Variants in ARID1B observed in about 807,000 individuals in gnomAD.
ARID1B encodes the protein AT-rich interactive domain-containing protein 1B.
In ARID1B, 30 loss-of-function variants were observed where a neutral mutation model predicts 212.3. That is an observed-to-expected ratio of 0.14 (90% CI 0.11 to 0.19). The LOEUF (loss-of-function observed/expected upper bound fraction) is 0.19. ARID1B is among the 10% of genes least tolerant of loss of function. The pLI, the probability that ARID1B is intolerant of heterozygous loss-of-function variation, is 1.00. For synonymous variants in ARID1B, 1,402 were observed against 1,301.7 expected (o/e 1.08, Z -1.66); for missense variants, 2,891 against 3,204.0 (o/e 0.90, Z 2.36).
At chr6:157,159,777 C>T (rs898019641) in intron 8 of ARID1B, among the ~76,000 whole-genome samples, 1 of 152,136 alleles carries the variant, frequency 6.6e-6, no homozygotes, top group African/African-American at 2.4e-5. Flanking sequence ...GTGGGCAGTG[C>T]CACATTTTAA....
At chr6:156,902,904 T>A (rs1393636930) in intron 3 of ARID1B, among the ~76,000 whole-genome samples, 1 of 152,170 alleles carries the variant, frequency 6.6e-6, no homozygotes, top group Non-Finnish European at 1.5e-5. Flanking sequence ...ATCTGGAGTT[T>A]TGATAAAGTT....
intron 4 of ARID1B, among the ~76,000 whole-genome samples, chr6:156,978,239 C>T (rs1469049997): frequency 6.6e-6 from 1 of 152,232 alleles, no homozygotes; most frequent in East Asian, 1.9e-4. Flanking sequence ...CTGCTCCCAG[C>T]ACCTTGGCCT....
chr6:156,779,274 C>G lies in ARID1B; in HGVS notation c.1594C>G (p.Pro532Ala). Residue 532 changes from proline (P) to alanine (A), a missense_variant, in exon 1 of 20, where the codon CCG becomes GCG. This residue lies in a region of ARID1B where 1,643 missense variants were observed against 1,544.0 expected (regional missense o/e 1.06). Coordinates refer to ENST00000636930, the MANE Select transcript of ARID1B (RefSeq NM_001374828.1). ...CAGCAGCCCCAGCGCGCCGCCGCCGCCGCCGTCGCAGCCCCAGTCCCAGGC... is the reference window on the plus strand; with the variant it reads ...CAGCAGCCCCAGCGCGCCGCCGCCGGCGCCGTCGCAGCCCCAGTCCCAGGC... ...EYSSPSAPPPPPSQPQSQAAA... is the reference protein window; with the variant it reads ...EYSSPSAPPPAPSQPQSQAAA... 8.7e-7 allele frequency: 1 copy of G among 1,152,780 alleles called. No individual in the cohort carries two copies. The allele number at this position is 1,152,780 out of a possible 1,614,324, so 71.4% of individuals were successfully genotyped here. A position where few individuals can be genotyped will look rare whatever the true frequency, so the allele number is the denominator to read the frequency against.
chr6:156,922,544 G>T (rs964265487), intron 3 of ARID1B, among the ~76,000 whole-genome samples: 4 of 152,102 alleles, frequency 2.6e-5, no homozygotes, highest in Non-Finnish European at 5.9e-5. Context: ...GATACTAATG[G>T]CATATTTGCA....
At chr6:157,076,552 TA>T in intron 4 of ARID1B, among the ~76,000 whole-genome samples, 1 of 151,526 alleles carries the variant, frequency 6.6e-6, no homozygotes, top group East Asian at 1.9e-4. Context: ...CATGCCTTTT[TA>T]TTGTGTTATT....
At position 157,201,635 on chromosome 6, in the gene ARID1B, A is replaced by T; in HGVS notation, c.5263+147A>T. 2.0e-6 allele frequency: 2 copies of T among 1,006,754 alleles called. No individual in the cohort carries two copies. The highest frequency in any genetic ancestry group is 2.7e-6 in the Non-Finnish European group (2 of 731,858). The allele number at this position is 1,006,754 out of a possible 1,614,324, so 62.4% of individuals were successfully genotyped here. Reference sequence around the variant, plus strand: ...CAAGATGCGTTTTTATATAGGAGTAATATAGTTGGAGGCTGCTAATCTGAA... The same window carrying T: ...CAAGATGCGTTTTTATATAGGAGTATTATAGTTGGAGGCTGCTAATCTGAA... On this transcript the variant is annotated intron_variant, in intron 18 of 19. Coordinates refer to ENST00000636930, the MANE Select transcript of ARID1B (RefSeq NM_001374828.1). The surrounding 1 kb of genome is among the most constrained non-coding windows in gnomAD (Gnocchi z 5.2).
chr6:157,189,662 G>A lies in ARID1B; in HGVS notation c.3940G>A (p.Gly1314Ser). 1 of 1,611,422 alleles carries A rather than the reference G, an allele frequency of 6.2e-7. No homozygotes were observed. Among genetic ancestry groups the A allele is most frequent in the Non-Finnish European group, 8.5e-7 (1 of 1,179,576 alleles). Reference sequence around the variant, plus strand: ...ATCAGCTAACTCGGGATCCTTGCAAGGCCCACAGACCCCCCAGTCAACTGG... The same window carrying A: ...ATCAGCTAACTCGGGATCCTTGCAAAGCCCACAGACCCCCCAGTCAACTGG... The part of the protein sequence containing the change: ...PSPANSGSLQ[G>S]PQTPQSTGSN... Residue 1314 changes from glycine to serine, a missense_variant, in exon 14 of 20, where the codon GGC (glycine) becomes AGC (serine). By Grantham distance (56) the Gly-to-Ser change is moderately conservative. This residue lies in a region of ARID1B where 666 missense variants were observed against 873.5 expected (regional missense o/e 0.76). Transcript: ENST00000636930.
At position 156,858,652 on chromosome 6, in the gene ARID1B, C is replaced by T. The variant is rs193061240; in HGVS notation, c.1986+29231C>T. Among the ~76,000 whole-genome samples, 135 of 152,088 alleles carry T rather than the reference C, an allele frequency of 8.9e-4. 3 individuals are homozygous for T. The highest frequency in any genetic ancestry group is 3.2e-3 in the African/African-American group (131 of 41,476). On this transcript the variant is annotated intron_variant, in intron 2 of 19. Coordinates refer to ENST00000636930, the MANE Select transcript of ARID1B (RefSeq NM_001374828.1). The stretch of plus-strand genomic sequence containing the variant: ...GGTGTGGTGGCGTGTGCCTGTAGTT[C>T]CAGCTACTCAGGAGGCTGAGGCAGG...
rs150647603 is a variant in ARID1B at position 157,203,800 on chromosome 6, G to T, written c.5264-66G>T. On this transcript the variant is annotated intron_variant, in intron 18 of 19. Transcript: ENST00000636930. The surrounding 1 kb of genome is among the most constrained non-coding windows in gnomAD (Gnocchi z 4.4). The stretch of plus-strand genomic sequence containing the variant: ...TCCACTTATTTTTTCTTACTCTTTC[G>T]TTAACTTTCGTTCTTTCATGCATAG... The T allele has an allele frequency of 0.037, 58,440 of 1,573,962 alleles. 1,325 individuals are homozygous for T. The highest frequency in any genetic ancestry group is 0.043 in the Non-Finnish European group (49,779 of 1,149,422).
At chr6:157,174,193 G>A (rs1791928816) in intron 10 of ARID1B, 76 bp downstream of exon 10, 2 of 1,301,850 alleles carry the variant, frequency 1.5e-6, no homozygotes, top group Non-Finnish European at 2.2e-6. Context: ...CTTCACTGGT[G>A]TTGGCCGACA....
At chr6:156,903,644 C>G (rs1374865561) in intron 3 of ARID1B, among the ~76,000 whole-genome samples, 1 of 152,112 alleles carries the variant, frequency 6.6e-6, no homozygotes, top group Non-Finnish European at 1.5e-5. Flanking sequence ...CCTAAGTAAT[C>G]CCCCTAAATC....
At chr6:156,876,058 CT>C (rs142365247) in intron 2 of ARID1B, among the ~76,000 whole-genome samples, 9,201 of 152,142 alleles carry the variant, frequency 0.06, 916 homozygotes, top group African/African-American at 0.2. Flanking sequence ...ATACACTGTC[CT>C]TTTTGAAGTT....
At chr6:156,913,130 A>C (rs919117443) in intron 3 of ARID1B, among the ~76,000 whole-genome samples, 1 of 151,008 alleles carries the variant, frequency 6.6e-6, no homozygotes, top group Non-Finnish European at 1.5e-5. Flanking sequence ...GAGTGAGTAC[A>C]TCTAGCTAAT....
At chr6:157,202,263 G>T (rs1794162290) in intron 18 of ARID1B, among the ~76,000 whole-genome samples, 1 of 152,116 alleles carries the variant, frequency 6.6e-6, no homozygotes, top group African/African-American at 2.4e-5. Flanking sequence ...CAGGGTTTCT[G>T]CATTATTTTT....
chr6:157,086,277 A>G (rs1485101109), intron 5 of ARID1B, among the ~76,000 whole-genome samples: 1 of 152,214 alleles, frequency 6.6e-6, no homozygotes, highest in Non-Finnish European at 1.5e-5. Context: ...GTGCATTTTG[A>G]TTAAAGCATT....
chr6:156,897,218 G>GCTGCTTCTTCTTCTTCTTCTT (rs1554264583), intron 2 of ARID1B, among the ~76,000 whole-genome samples: 41 of 91,346 alleles, frequency 4.5e-4, no homozygotes, highest in East Asian at 7.3e-4. Flanking sequence ...TGCTGCTGCT[G>GCTGCTTCTTCTTCTTCTTCTT]CTTCTTCTTC....
Position 157,174,828 on chromosome 6 carries a change from T to C in ARID1B, c.3346-19T>C. 3 of 1,476,198 alleles carry C rather than the reference T, an allele frequency of 2.0e-6. No homozygotes were observed. The highest frequency in any genetic ancestry group is 9.0e-7 in the Non-Finnish European group (1 of 1,112,562). 91.4% of individuals were successfully genotyped at this position (1,476,198 alleles called of 1,614,324 possible). On this transcript the variant is annotated intron_variant, in intron 10 of 19. Transcript: ENST00000636930. ...GCCCTACCTTTGTCATTTTTTTTTT[T>C]TTTATTCCTCTACCACAGGATAGCT...
chr6:157,081,930 T>G (rs1784652515), intron 4 of ARID1B, among the ~76,000 whole-genome samples: 1 of 152,058 alleles, frequency 6.6e-6, no homozygotes, highest in African/African-American at 2.4e-5. Flanking sequence ...TCTACCAGGT[T>G]TTTTTTTCTT....
intron 3 of ARID1B, chr6:156,901,867 T>C (rs894456483): frequency 6.9e-6 from 2 of 289,894 alleles, no homozygotes; most frequent in East Asian, 1.4e-4. Flanking sequence ...AGAAGGATTT[T>C]ATCAATCATT....
Sources: allele counts gnomAD v4.1 joint callset (sites outside exome capture counted in the v4.1 genomes callset), GRCh38; gene constraint gnomAD v4.1.1; regional missense constraint gnomAD v4.1.1; non-coding constraint Gnocchi (gnomAD v3.1); transcripts MANE v1.5; gene names NCBI Gene and HGNC (gene_info 2026-07-23, HGNC 2026-07-21).